Variants in ELP4 observed in about 807,000 individuals in gnomAD.
The protein encoded by ELP4 is elongator acetyltransferase complex subunit 4, also known as elongator complex protein 4.
A neutral mutation model predicts 48.9 loss-of-function variants in ELP4; 51 were observed. The ratio of observed to expected loss-of-function variants is 1.04; its 90% CI spans 0.83 to 1.32. ELP4 has a LOEUF of 1.32. Among genes scored for constraint, ELP4 ranks in the 40% most tolerant of loss-of-function variants. The pLI, the probability that ELP4 is intolerant of heterozygous loss-of-function variation, is 0.00. For missense variants in ELP4, 519 were observed against 514.6 expected (o/e 1.01, Z -0.08); for synonymous variants, 210 against 189.2 (o/e 1.11, Z -0.90).
Position 31,784,133 on chromosome 11 carries a change from T to A in ELP4, c.*609T>A, listed in dbSNP as rs1565154151. The stretch of plus-strand genomic sequence containing the variant: ...AAACATAGAAAAAAGAAGTGGATGG[T>A]CTTTAGTTTAGTAATCCTAAACAAT... On this transcript the variant is annotated 3_prime_UTR_variant, in exon 10 of 10. Coordinates refer to ENST00000640961, the MANE Select transcript of ELP4 (RefSeq NM_019040.5). The A allele has an allele frequency of 6.6e-6, 1 of 152,194 alleles. No individual in the cohort carries two copies. Among genetic ancestry groups the A allele is most frequent in the Non-Finnish European group, 1.5e-5 (1 of 68,028 alleles). 9.4% of individuals were successfully genotyped at this position (152,194 alleles called of 1,614,324 possible).
intron 9 of ELP4, among the ~76,000 whole-genome samples, chr11:31,696,538 T>G (rs1246078801): frequency 2.0e-5 from 3 of 152,166 alleles, no homozygotes; most frequent in African/African-American, 7.2e-5. Flanking sequence ...AGAGACAGTT[T>G]GTTATAATTT....
intron 9 of ELP4, among the ~76,000 whole-genome samples, chr11:31,738,663 GC>G (rs1457216016): frequency 6.6e-6 from 1 of 151,938 alleles, no homozygotes; most frequent in African/African-American, 2.4e-5. Flanking sequence ...TTGAGCCTGA[GC>G]CTGCGGGTCG....
At position 31,509,977 on chromosome 11, in the gene ELP4, A is replaced by G; in HGVS notation, c.193A>G (p.Thr65Ala). 6.2e-7 allele frequency: 1 copy of G among 1,612,486 alleles called. No homozygotes were observed. Among genetic ancestry groups the G allele is most frequent in the Non-Finnish European group, 8.5e-7 (1 of 1,180,010 alleles). Reference protein sequence around the residue: ...SVRNGQLLVSTGLPALDQLLG... With the variant: ...SVRNGQLLVSAGLPALDQLLG... ...GCGGAATGGACAGCTGCTGGTATCA[A>G]CCGGGCTCCCAGCCCTAGACCAGCT... The change falls in exon 1 of 10, where the codon ACC becomes GCC. Residue 65 changes from threonine (T) to alanine (A), a missense_variant. By Grantham distance (58) the Thr-to-Ala change is moderately conservative. Transcript: ENST00000640961.
intron 9 of ELP4, among the ~76,000 whole-genome samples, chr11:31,719,170 A>C (rs542510816): frequency 2.6e-5 from 4 of 151,764 alleles, no homozygotes; most frequent in Non-Finnish European, 5.9e-5. Context: ...TGAGGGGAGG[A>C]TCTCTTGAGC....
chr11:31,594,657 T>A (rs1957642728), intron 3 of ELP4, 113 bp from the exon 4 acceptor site: 1 of 571,810 alleles, frequency 1.7e-6, no homozygotes, highest in Non-Finnish European at 2.9e-6. Context: ...AAATCAATGT[T>A]AGTCATGAAT....
intron 9 of ELP4, among the ~76,000 whole-genome samples, chr11:31,680,565 G>A (rs1018362934): frequency 3.3e-5 from 5 of 152,082 alleles, no homozygotes; most frequent in African/African-American, 1.2e-4. Context: ...CACTAAGTTC[G>A]ATATACTCAC....
chr11:31,567,302 C>A (rs1304681551), intron 3 of ELP4, among the ~76,000 whole-genome samples: 1 of 152,186 alleles, frequency 6.6e-6, no homozygotes, highest in Non-Finnish European at 1.5e-5. Context: ...ATCCATCCTG[C>A]AATTATTCGT....
At chr11:31,594,743 C>A in intron 3 of ELP4, 27 bp from the exon 4 acceptor site, 2 of 1,446,204 alleles carry the variant, frequency 1.4e-6, no homozygotes, top group South Asian at 1.6e-5. Flanking sequence ...CACAGAATCT[C>A]AATTATGTGT....
Position 31,790,107 on chromosome 11 carries a change from A to AT in ELP4, c.*6583_*6584insT, listed in dbSNP as rs1949328537. ...AAATTTATAGGTTTACAAAAAAAAA[A>AT]AAAAAAAAAAAAACTAATACTTTCT... On this transcript the variant is annotated 3_prime_UTR_variant, in exon 10 of 10. Coordinates refer to ENST00000640961, the MANE Select transcript of ELP4 (RefSeq NM_019040.5). The AT allele has an allele frequency of 2.5e-6, 2 of 788,920 alleles. No homozygotes were observed. Among genetic ancestry groups the AT allele is most frequent in the South Asian group, 3.3e-5 (2 of 60,728 alleles). 48.9% of individuals were successfully genotyped at this position (788,920 alleles called of 1,614,324 possible). A position where few individuals can be genotyped will look rare whatever the true frequency, so the allele number is the denominator to read the frequency against.
chr11:31,658,470 A>G (rs1431092963), intron 9 of ELP4, among the ~76,000 whole-genome samples: 5 of 150,044 alleles, frequency 3.3e-5, no homozygotes, highest in Non-Finnish European at 7.4e-5. Context: ...ATTAATTTGC[A>G]AAAAAAAAGC....
chr11:31,717,114 C>T (rs1299519021), intron 9 of ELP4, among the ~76,000 whole-genome samples: 1 of 152,020 alleles, frequency 6.6e-6, no homozygotes. Context: ...CCACAAATGC[C>T]GTAAACCTGA....
intron 3 of ELP4, among the ~76,000 whole-genome samples, chr11:31,566,794 T>G (rs1206980695): frequency 2.6e-5 from 4 of 152,196 alleles, no homozygotes; most frequent in African/African-American, 9.6e-5. Flanking sequence ...AATTTTTTAT[T>G]TAATTCTTAT....
chr11:31,688,144 A>G (rs1365023320), intron 9 of ELP4, among the ~76,000 whole-genome samples: 1 of 152,226 alleles, frequency 6.6e-6, no homozygotes, highest in Non-Finnish European at 1.5e-5. Flanking sequence ...GAAAAAACAG[A>G]TGCCTTATAG....
At chr11:31,688,750 A>G (rs1946212573) in intron 9 of ELP4, among the ~76,000 whole-genome samples, 1 of 152,224 alleles carries the variant, frequency 6.6e-6, no homozygotes, top group African/African-American at 2.4e-5. Context: ...ACCTGTGAAG[A>G]GTGAACAGTA....
intron 2 of ELP4, among the ~76,000 whole-genome samples, chr11:31,529,062 A>G (rs1956347745): frequency 6.6e-6 from 1 of 150,706 alleles, no homozygotes; most frequent in Non-Finnish European, 1.5e-5. Context: ...ATATATTTGC[A>G]GTGAGTCAAT....
chr11:31,662,732 A>G (rs1945590269), intron 9 of ELP4: 1 of 393,206 alleles, frequency 2.5e-6, no homozygotes, highest in Non-Finnish European at 4.5e-6. Flanking sequence ...ACATACAGTC[A>G]TTTGCTGTGT....
rs191303097 is a variant in ELP4, at chr11:31,572,065, C to A, written c.382-22705C>A. 2.5e-4 allele frequency among the ~76,000 whole-genome samples: 38 copies of A among 152,332 alleles called. No individual in the cohort carries two copies. In the East Asian group the frequency reaches 6.8e-3, roughly 27 times the overall value. On this transcript the variant is annotated intron_variant, in intron 3 of 9. Coordinates refer to ENST00000640961, the MANE Select transcript of ELP4 (RefSeq NM_019040.5). ...AAGCTTTGGAGCTAGGCATTGACTT[C>A]TCTCTAGCCATGAAAGTCCTAGACA...
chr11:31,754,472 C>T (rs952497875), intron 9 of ELP4, among the ~76,000 whole-genome samples: 1 of 152,086 alleles, frequency 6.6e-6, no homozygotes, highest in Non-Finnish European at 1.5e-5. Context: ...TACAGTAATA[C>T]TAGTACAACT....
intron 3 of ELP4, among the ~76,000 whole-genome samples, chr11:31,551,151 G>C (rs1178613655): frequency 6.6e-6 from 1 of 152,166 alleles, no homozygotes; most frequent in African/African-American, 2.4e-5. Flanking sequence ...TTTTTAGTCA[G>C]AACTGTGTCA....
Sources: gnomAD v4.1 joint callset for allele counts (sites outside exome capture counted in the v4.1 genomes callset) on GRCh38, gnomAD v4.1.1 for gene constraint, MANE v1.5 for transcripts, NCBI Gene and HGNC (gene_info 2026-07-23, HGNC 2026-07-21) for gene names.